The following STARD9 variants were observed in gnomAD, a reference collection of about 807,000 sequenced individuals.
STARD9 encodes the protein StAR related lipid transfer domain containing 9.
A neutral mutation model predicts 399.8 loss-of-function variants in STARD9; 346 were observed. The observed-to-expected ratio is 0.87, with a 90% CI of 0.79 to 0.95. STARD9 has a LOEUF of 0.95. Ranked by LOEUF, STARD9 falls within the 40% of genes least tolerant of loss-of-function variation. The pLI, the probability that STARD9 is intolerant of heterozygous loss-of-function variation, is 0.00. For synonymous variants in STARD9, 2,203 were observed against 2,143.5 expected (o/e 1.03, Z -0.77); for missense variants, 5,832 against 5,667.5 (o/e 1.03, Z -0.93).
Position 42,634,987 on chromosome 15 carries a change from G to T in STARD9, c.351+15G>T, listed in dbSNP as rs1457342271. The T allele has an allele frequency of 7.1e-7, 1 of 1,409,250 alleles. No homozygotes were observed. Among genetic ancestry groups the T allele is most frequent in the African/African-American group, 1.4e-5 (1 of 70,276 alleles). 87.3% of individuals were successfully genotyped at this position (1,409,250 alleles called of 1,614,324 possible). ...TGGGGACCCCAGTGAGTATTACAATGATATATATTCCTAATGCCACAGCAA... is the reference window on the plus strand; with the variant it reads ...TGGGGACCCCAGTGAGTATTACAATTATATATATTCCTAATGCCACAGCAA... On this transcript the variant is annotated intron_variant, in intron 4 of 32. Transcript: ENST00000290607.
chr15:42,671,755 CA>C (rs2060207515), intron 16 of STARD9: 1 of 152,126 alleles, frequency 6.6e-6, no homozygotes, highest in African/African-American at 2.4e-5. Context: ...AAGGATTGAT[CA>C]GGCTATTTGA....
intron 18 of STARD9, 155 bp from the exon 19 acceptor site, chr15:42,675,509 G>T: frequency 1.6e-6 from 1 of 615,094 alleles, no homozygotes; most frequent in East Asian, 2.8e-5. Context: ...CAAGATGTAT[G>T]CTGTGAGATG....
chr15:42,661,628 C>CTTTCT (rs1566912589), intron 10 of STARD9, among the ~76,000 whole-genome samples: 1 of 151,392 alleles, frequency 6.6e-6, no homozygotes, highest in African/African-American at 2.4e-5. Context: ...TTCTTTCTTT[C>CTTTCT]TTTTTTTTAA....
At chr15:42,650,675 C>G (rs1478309008) in intron 7 of STARD9, among the ~76,000 whole-genome samples, 1 of 152,156 alleles carries the variant, frequency 6.6e-6, no homozygotes, top group Non-Finnish European at 1.5e-5. Context: ...CACTGGCCTA[C>G]CTCAGGGACT....
intron 20 of STARD9, 54 bp from the exon 21 acceptor site, chr15:42,681,368 T>C: frequency 6.7e-7 from 1 of 1,502,486 alleles, no homozygotes; most frequent in Non-Finnish European, 8.9e-7. Context: ...TATCAGTTTG[T>C]CCTGAGCTTG....
rs1400131935 is a variant in STARD9, at chr15:42,685,346, C to T, written c.3768C>T (p.Pro1256=). Residue 1256 remains proline, a synonymous_variant, in exon 23 of 33, where the codon CCC becomes CCT. Coordinates refer to ENST00000290607, the MANE Select transcript of STARD9 (RefSeq NM_020759.3). ...AAGAGGCAATATGCAGGCTTGGTCC[C>T]ATCAACTACAGAACAGCAGCTAGGC... ...MDQEAICRLG[P]INYRTAARLD... 2 of 1,537,284 alleles carry T rather than the reference C, an allele frequency of 1.3e-6. No homozygotes were observed. The highest frequency in any genetic ancestry group is 1.2e-5 in the South Asian group (1 of 84,044).
At position 42,693,857 on chromosome 15, in the gene STARD9, G is replaced by A; in HGVS notation, c.12279G>A (p.Leu4093=). ...TCAGCCCCTGCCCTGTCTCTGAGTT[G>A]ACTGATACTGCAGGGCTCCGAGGTT... The part of the protein sequence containing the change: ...QHLSPCPVSE[L]TDTAGLRGSA... The change falls in exon 23 of 33, where the codon TTG becomes TTA. Residue 4093 remains leucine (L), a synonymous_variant. Transcript: ENST00000290607. 1 of 1,536,742 alleles carries A rather than the reference G, an allele frequency of 6.5e-7. No individual in the cohort carries two copies. Among genetic ancestry groups the A allele is most frequent in the Non-Finnish European group, 8.7e-7 (1 of 1,146,702 alleles).
intron 16 of STARD9, chr15:42,672,537 A>C (rs998801500): frequency 6.6e-6 from 1 of 152,156 alleles, no homozygotes; most frequent in Non-Finnish European, 1.5e-5. Context: ...TTTTCCCTTG[A>C]ACTGCCCTCT....
At chr15:42,633,054 A>G (rs1440575652) in intron 3 of STARD9, among the ~76,000 whole-genome samples, 2 of 151,760 alleles carry the variant, frequency 1.3e-5, no homozygotes, top group African/African-American at 4.8e-5. Flanking sequence ...AGGTAGGGAG[A>G]TCGTTTGAGC....
intron 3 of STARD9, among the ~76,000 whole-genome samples, chr15:42,597,606 G>A (rs999966754): frequency 5.3e-5 from 8 of 151,802 alleles, no homozygotes; most frequent in Admixed American, 2.0e-4. Context: ...GCACGATCTC[G>A]GCTCACTGCA....
intron 7 of STARD9, among the ~76,000 whole-genome samples, chr15:42,640,948 C>G (rs2059523878): frequency 1.3e-5 from 2 of 151,642 alleles, no homozygotes; most frequent in African/African-American, 4.8e-5. Flanking sequence ...AAGGGTTGTT[C>G]CCAAAGTCAC....
At chr15:42,658,200 A>G (rs1452103767) in intron 9 of STARD9, among the ~76,000 whole-genome samples, 1 of 152,076 alleles carries the variant, frequency 6.6e-6, no homozygotes, top group East Asian at 1.9e-4. Flanking sequence ...GCTAGAGTGC[A>G]GTGGCACAAT....
chr15:42,711,060 C>T (rs756266220), intron 26 of STARD9, among the ~76,000 whole-genome samples: 5 of 151,780 alleles, frequency 3.3e-5, no homozygotes, highest in Non-Finnish European at 7.4e-5. Flanking sequence ...TCATTCTTAC[C>T]TGCAACACCT....
rs2060511921 is a variant in STARD9, at chr15:42,684,857, A to G, written c.3279A>G (p.Ser1093=). 1 of 1,537,060 alleles carries G rather than the reference A, an allele frequency of 6.5e-7. No individual in the cohort carries two copies. The highest frequency in any genetic ancestry group is 1.2e-5 in the South Asian group (1 of 84,070). Residue 1093 remains serine (S), a synonymous_variant, in exon 23 of 33, where the codon TCA becomes TCG. Coordinates refer to ENST00000290607, the MANE Select transcript of STARD9 (RefSeq NM_020759.3). The stretch of plus-strand genomic sequence containing the variant: ...ATTTCAGCCCAGTAATGGATCATTC[A>G]AGAGAAAAAGACAATGATTTATCTG... ...LTDFSPVMDH[S]REKDNDLSDT...
At chr15:42,609,371 C>T (rs992271504) in intron 3 of STARD9, among the ~76,000 whole-genome samples, 2 of 151,862 alleles carry the variant, frequency 1.3e-5, no homozygotes, top group Non-Finnish European at 2.9e-5. Context: ...GCAGAAGAGA[C>T]GGTATGGTCA....
At position 42,663,375 on chromosome 15, in the gene STARD9, C is replaced by T; in HGVS notation, c.963C>T (p.Thr321=). ...DSGILSSPSG[T]SSGGAPSRRQ... is the part of the protein sequence containing the mutation. ...GGATCCTTAGCTCTCCTTCTGGGAC[C>T]AGCAGTGGAGGGGCACCCTCCCGAA... Residue 321 remains threonine, a synonymous_variant, in exon 12 of 33, where the codon ACC becomes ACT. Transcript: ENST00000290607. 2 of 1,537,324 alleles carry T rather than the reference C, an allele frequency of 1.3e-6. No individual in the cohort carries two copies. Among genetic ancestry groups the T allele is most frequent in the Non-Finnish European group, 1.7e-6 (2 of 1,146,926 alleles).
intron 16 of STARD9, among the ~76,000 whole-genome samples, chr15:42,673,422 A>C (rs1394160320): frequency 1.3e-5 from 2 of 152,040 alleles, no homozygotes; most frequent in Non-Finnish European, 2.9e-5. Flanking sequence ...AAACAAAATA[A>C]ACAAAAAGAC....
At chr15:42,699,242 A>T (rs1406454631) in intron 26 of STARD9, among the ~76,000 whole-genome samples, 1 of 151,978 alleles carries the variant, frequency 6.6e-6, no homozygotes, top group South Asian at 2.1e-4. Flanking sequence ...TAGTCACCCT[A>T]TTGTGTAATA....
chr15:42,637,462 A>G (rs553306454), intron 4 of STARD9, among the ~76,000 whole-genome samples: 5 of 152,036 alleles, frequency 3.3e-5, no homozygotes, highest in African/African-American at 1.2e-4. Context: ...TGATCCACCC[A>G]CCTCGGCCTC....
Sources: gnomAD v4.1 joint callset for allele counts (sites outside exome capture counted in the v4.1 genomes callset) on GRCh38, gnomAD v4.1.1 for gene constraint, MANE v1.5 for transcripts, NCBI Gene and HGNC (gene_info 2026-07-23, HGNC 2026-07-21) for gene names.